WDR49: variants seen among roughly 807,000 people sequenced by gnomAD.
WDR49 encodes the protein cilia- and flagella-associated protein 337.
In WDR49, 107 loss-of-function variants were observed where a neutral mutation model predicts 119.5. The ratio of observed to expected loss-of-function variants is 0.90; its 90% CI spans 0.77 to 1.05. The LOEUF is 1.05. Among genes scored for constraint, WDR49 ranks in the 50% least tolerant of loss-of-function variants. The pLI is 0.00. For synonymous variants in WDR49, 425 were observed against 418.8 expected, an observed-to-expected ratio of 1.01 and a Z score of -0.18; for missense variants, 1,240 against 1,220.5, an observed-to-expected ratio of 1.02 and a Z score of -0.24.
intron 18 of WDR49, among the ~76,000 whole-genome samples, chr3:167,484,176 G>C (rs868579053): frequency 1.1e-4 from 17 of 152,254 alleles, no homozygotes; most frequent in African/African-American, 4.1e-4. Flanking sequence ...TTGCTTTGAA[G>C]GGATTTTGCA....
At chr3:167,565,318 C>G (rs945987958) in intron 8 of WDR49, among the ~76,000 whole-genome samples, 1 of 150,636 alleles carries the variant, frequency 6.6e-6, no homozygotes, top group Non-Finnish European at 1.5e-5. Context: ...ATAAGTTCTG[C>G]TCTTGCATTT....
At position 167,620,546 on chromosome 3, in the gene WDR49, C is replaced by T; in HGVS notation, c.841G>A (p.Ala281Thr). ...LISLFERPAS[A>T]CEDGEATMTI... ...ATAGTGGCTTCTCCATCTTCACATGCACTAGCAGGCCGTTCAAACAGGGAA... is the reference window on the plus strand; with the variant it reads ...ATAGTGGCTTCTCCATCTTCACATGTACTAGCAGGCCGTTCAAACAGGGAA... The change falls in exon 5 of 19, where the codon GCA becomes ACA. Residue 281 changes from alanine to threonine, a missense_variant. Ala to Thr is a moderately conservative substitution (Grantham distance 58, BLOSUM62 0). Transcript: ENST00000682715. The T allele has an allele frequency of 6.5e-7, 1 of 1,535,562 alleles. No homozygotes were observed.
At chr3:167,595,511 C>A (rs1244104477) in intron 7 of WDR49, among the ~76,000 whole-genome samples, 2 of 152,082 alleles carry the variant, frequency 1.3e-5, no homozygotes, top group Non-Finnish European at 2.9e-5. Flanking sequence ...GTACTGGTAC[C>A]AAAACAGAGA....
At position 167,478,692 on chromosome 3, in the gene WDR49, A is replaced by G; in HGVS notation, c.*186T>C. ...CAAGATGTTGCTCCCACTTTAGTTCAATATTTATTTTATTAAGAATACAGA... is the reference window on the plus strand; with the variant it reads ...CAAGATGTTGCTCCCACTTTAGTTCGATATTTATTTTATTAAGAATACAGA... On this transcript the variant is annotated 3_prime_UTR_variant, in exon 19 of 19. Transcript: ENST00000682715. 1 of 384,094 alleles carries G rather than the reference A, an allele frequency of 2.6e-6. No individual in the cohort carries two copies. The highest frequency in any genetic ancestry group is 4.5e-5 in the East Asian group (1 of 22,368). The allele number at this position is 384,094 out of a possible 1,614,324, so 23.8% of individuals were successfully genotyped here. A position where few individuals can be genotyped will look rare whatever the true frequency, so the allele number is the denominator to read the frequency against.
intron 7 of WDR49, among the ~76,000 whole-genome samples, chr3:167,586,560 C>G (rs1318097617): frequency 6.6e-6 from 1 of 152,126 alleles, no homozygotes; most frequent in Non-Finnish European, 1.5e-5. Context: ...ATGTTTCAAT[C>G]AAAAGCTCTT....
At chr3:167,542,031 A>G (rs968058512) in intron 10 of WDR49, among the ~76,000 whole-genome samples, 3 of 152,132 alleles carry the variant, frequency 2.0e-5, no homozygotes, top group African/African-American at 4.8e-5. Flanking sequence ...GTCAAAAAAA[A>G]AAGACAAACA....
In WDR49 at chr3:167,597,730, C is replaced by A. The variant is rs574419461; in HGVS notation, c.1275+4397G>T. Among the ~76,000 whole-genome samples the A allele has an allele frequency of 3.3e-5, 5 of 152,278 alleles. No homozygotes were observed. The East Asian group carries it at 9.6e-4, about 29-fold the overall frequency. ...CATGGAGTAAAAGGAAATTTTGGAA[C>A]TTTAAGTTTCAGTGAGTGTCTTGCT... On this transcript the variant is annotated intron_variant, in intron 7 of 18. Coordinates refer to ENST00000682715, the MANE Select transcript of WDR49 (RefSeq NM_001366157.1).
chr3:167,608,111 C>T (rs1416814518), intron 5 of WDR49, among the ~76,000 whole-genome samples: 2 of 152,102 alleles, frequency 1.3e-5, no homozygotes, highest in Non-Finnish European at 2.9e-5. Context: ...TACTACTGTA[C>T]TAGAAGTTCC....
intron 9 of WDR49, among the ~76,000 whole-genome samples, chr3:167,556,885 C>T (rs1712960305): frequency 6.6e-6 from 1 of 152,114 alleles, no homozygotes; most frequent in African/African-American, 2.4e-5. Context: ...ATTAGCCAGG[C>T]ATGGTGGCAT....
At chr3:167,493,323 G>A (rs1027280190) in intron 18 of WDR49, among the ~76,000 whole-genome samples, 58 of 152,222 alleles carry the variant, frequency 3.8e-4, no homozygotes, top group African/African-American at 1.2e-3. Flanking sequence ...CTCCATGAAC[G>A]GTTTTCCATA....
At chr3:167,533,024 A>G (rs1212349051) in intron 11 of WDR49, 47 bp from the exon 12 acceptor site, 2 of 1,369,832 alleles carry the variant, frequency 1.5e-6, no homozygotes, top group East Asian at 4.8e-5. Context: ...AGATTAAGAT[A>G]GAAAATATGA....
At position 167,560,183 on chromosome 3, in the gene WDR49, C is replaced by T; in HGVS notation, c.1555G>A (p.Asp519Asn). ...AACTGTTTGATTTTCTGCCCAGTGTCTATCATCCAGAAGGAAACAGTAGAC... is the reference window on the plus strand; with the variant it reads ...AACTGTTTGATTTTCTGCCCAGTGTTTATCATCCAGAAGGAAACAGTAGAC... ...TGSTVSFWMI[D>N]TGQKIKQFTG... Residue 519 changes from aspartate (D) to asparagine (N), a missense_variant, in exon 9 of 19, where the codon GAC becomes AAC. Asp to Asn is a conservative substitution (Grantham distance 23). Coordinates refer to ENST00000682715, the MANE Select transcript of WDR49 (RefSeq NM_001366157.1). 2 of 1,614,154 alleles carry T rather than the reference C, an allele frequency of 1.2e-6. No individual in the cohort carries two copies. Among genetic ancestry groups the T allele is most frequent in the Non-Finnish European group, 1.7e-6 (2 of 1,180,022 alleles).
intron 7 of WDR49, among the ~76,000 whole-genome samples, chr3:167,585,921 T>C (rs1231846951): frequency 6.6e-6 from 1 of 152,154 alleles, no homozygotes; most frequent in African/African-American, 2.4e-5. Flanking sequence ...TCATTTGCAA[T>C]TTTTATAGGA....
At chr3:167,595,388 C>T (rs1288166531) in intron 7 of WDR49, among the ~76,000 whole-genome samples, 1 of 152,016 alleles carries the variant, frequency 6.6e-6, no homozygotes, top group East Asian at 1.9e-4. Flanking sequence ...CATATGGAAC[C>T]AAAAAAGAGC....
At chr3:167,546,716 T>C (rs1002292454) in intron 10 of WDR49, among the ~76,000 whole-genome samples, 2 of 151,622 alleles carry the variant, frequency 1.3e-5, no homozygotes, top group African/African-American at 2.4e-5. Flanking sequence ...AGAAAAATAT[T>C]TAAAACCACC....
intron 7 of WDR49, among the ~76,000 whole-genome samples, chr3:167,584,852 T>C (rs1252603101): frequency 3.3e-5 from 5 of 152,058 alleles, no homozygotes; most frequent in Non-Finnish European, 7.4e-5. Context: ...GGAAAATATT[T>C]TGTGTCTAAA....
At chr3:167,491,158 T>A (rs985551570) in intron 18 of WDR49, among the ~76,000 whole-genome samples, 6 of 152,070 alleles carry the variant, frequency 3.9e-5, no homozygotes, top group South Asian at 4.1e-4. Context: ...AGGAGCAACA[T>A]CAACAAGAAC....
intron 3 of WDR49, among the ~76,000 whole-genome samples, chr3:167,622,752 C>T (rs1056213127): frequency 2.0e-5 from 3 of 152,022 alleles, no homozygotes; most frequent in African/African-American, 7.2e-5. Context: ...TCCAGTCCAA[C>T]GTCAGCAGGA....
intron 5 of WDR49, among the ~76,000 whole-genome samples, chr3:167,618,070 C>T (rs1716687429): frequency 6.6e-6 from 1 of 151,704 alleles, no homozygotes; most frequent in Non-Finnish European, 1.5e-5. Context: ...TTCATGTCTA[C>T]CTCTCCTTCT....
Sources: allele counts gnomAD v4.1 joint callset (sites outside exome capture counted in the v4.1 genomes callset), GRCh38; gene constraint gnomAD v4.1.1; transcripts MANE v1.5; gene names NCBI Gene and HGNC (gene_info 2026-07-23, HGNC 2026-07-21).